ALDH1A2: variants seen among roughly 807,000 people sequenced by gnomAD.
ALDH1A2 encodes retinal dehydrogenase 2.
A neutral mutation model predicts 60.3 loss-of-function variants in ALDH1A2; 27 were observed. That is an observed-to-expected ratio of 0.45 (90% confidence interval 0.33 to 0.62). The LOEUF (loss-of-function observed/expected upper bound fraction) is 0.62, where lower values mean the gene tolerates loss of function less well. ALDH1A2 is among the 20% of genes least tolerant of loss of function. The probability of loss-of-function intolerance (pLI) is 0.02; values close to 1 mark genes in which losing one functional copy is unlikely to be tolerated. For synonymous variants in ALDH1A2, 289 were observed against 232.4 expected (o/e 1.24, Z -2.21); for missense variants, 581 against 643.8 (o/e 0.90, Z 1.06).
intron 8 of ALDH1A2, chr15:57,964,322 A>G (rs1893826640): frequency 2.0e-6 from 1 of 496,872 alleles, no homozygotes; most frequent in Admixed American, 3.3e-5. Context: ...GTATAACAGG[A>G]GTCTCAAACC....
At chr15:57,975,597 G>C (rs1392782253) in intron 7 of ALDH1A2, among the ~76,000 whole-genome samples, 2 of 152,150 alleles carry the variant, frequency 1.3e-5, no homozygotes, top group Non-Finnish European at 2.9e-5. Context: ...CCAGATTTCA[G>C]ATTTTTTGAA....
At chr15:57,995,279 A>C (rs1383510378) in intron 4 of ALDH1A2, 140 bp from the exon 5 acceptor site, 4 of 688,312 alleles carry the variant, frequency 5.8e-6, no homozygotes, top group Non-Finnish European at 1.0e-5. Flanking sequence ...TCAACCGTGC[A>C]TGAAAGCTGG....
chr15:57,961,640 G>GTCCC (rs1893723879), intron 10 of ALDH1A2, among the ~76,000 whole-genome samples: 1 of 152,100 alleles, frequency 6.6e-6, no homozygotes, highest in South Asian at 2.1e-4. Context: ...TTTGCTCCTT[G>GTCCC]TCCCTCTCTT....
chr15:58,009,752 G>C (rs1473439635), intron 4 of ALDH1A2, among the ~76,000 whole-genome samples: 5 of 151,798 alleles, frequency 3.3e-5, no homozygotes, highest in Admixed American at 2.6e-4. Context: ...CAAAGTTTTA[G>C]CTCTAAAACT....
intron 1 of ALDH1A2, among the ~76,000 whole-genome samples, chr15:58,028,172 T>G (rs573436398): frequency 1.1e-3 from 169 of 152,224 alleles, no homozygotes; most frequent in African/African-American, 3.7e-3. Flanking sequence ...TACCCACAAA[T>G]GGAAGCCCAT....
intron 1 of ALDH1A2, among the ~76,000 whole-genome samples, chr15:58,053,256 G>C (rs1413382356): frequency 6.6e-6 from 1 of 152,088 alleles, no homozygotes. Context: ...TTTGTGTTCT[G>C]AAGTCATGTG....
intron 1 of ALDH1A2, among the ~76,000 whole-genome samples, chr15:58,016,316 G>T (rs1034812744): frequency 5.9e-5 from 9 of 151,782 alleles, no homozygotes; most frequent in African/African-American, 2.2e-4. Context: ...GCTAATTTTT[G>T]TATTTTTAGT....
chr15:58,012,951 T>G (rs1184196443), intron 3 of ALDH1A2, among the ~76,000 whole-genome samples: 1 of 152,178 alleles, frequency 6.6e-6, no homozygotes, highest in Non-Finnish European at 1.5e-5. Context: ...GTATAGTGCA[T>G]ACATTCCTAA....
intron 1 of ALDH1A2, among the ~76,000 whole-genome samples, chr15:58,019,396 T>C (rs995441773): frequency 6.6e-6 from 1 of 152,172 alleles, no homozygotes; most frequent in African/African-American, 2.4e-5. Context: ...CCAGAATATT[T>C]TGCTTTGTAG....
intron 4 of ALDH1A2, among the ~76,000 whole-genome samples, chr15:58,000,124 T>C (rs1284882143): frequency 6.6e-6 from 1 of 151,892 alleles, no homozygotes. Context: ...ACCTAGGTGA[T>C]GGGTTGACAG....
rs1488164247 is a variant in ALDH1A2, at chr15:57,955,017, A to G, written c.*180T>C. 9.8e-6 allele frequency: 7 copies of G among 714,560 alleles called. No individual in the cohort carries two copies. Among genetic ancestry groups the G allele is most frequent in the Non-Finnish European group, 1.2e-5 (5 of 400,276 alleles). 44.3% of individuals were successfully genotyped at this position (714,560 alleles called of 1,614,324 possible). On this transcript the variant is annotated 3_prime_UTR_variant, in exon 13 of 13. Transcript: ENST00000249750. ...TAAGGTGGCCCCTTACAGAGTGCCA[A>G]GAAACTGTACCCAGCTGGTTTGCTT... is the stretch of plus-strand genomic sequence containing the variant.
At chr15:58,005,790 C>CT (rs1414671230) in intron 4 of ALDH1A2, among the ~76,000 whole-genome samples, 5 of 151,890 alleles carry the variant, frequency 3.3e-5, no homozygotes, top group Admixed American at 2.6e-4. Flanking sequence ...TGAAAGCCCC[C>CT]TTTACCCATA....
Position 58,065,681 on chromosome 15 carries a change from C to G in ALDH1A2, c.-31G>C, listed in dbSNP as rs1384509358. On this transcript the variant is annotated 5_prime_UTR_variant, in exon 1 of 13. Coordinates refer to ENST00000249750, the MANE Select transcript of ALDH1A2 (RefSeq NM_003888.4). ...CGGGCCGGGTGTCCCTAGCCCGCGG[C>G]GTGGGGCAGTGCGGGCTGTGCGCGC... is the stretch of plus-strand genomic sequence containing the variant. 6.7e-7 allele frequency: 1 copy of G among 1,492,854 alleles called. No homozygotes were observed. Among genetic ancestry groups the G allele is most frequent in the Non-Finnish European group, 9.1e-7 (1 of 1,103,238 alleles). The allele number at this position is 1,492,854 out of a possible 1,614,324, so 92.5% of individuals were successfully genotyped here.
chr15:58,003,706 T>C (rs1398207485), intron 4 of ALDH1A2, among the ~76,000 whole-genome samples: 2 of 151,880 alleles, frequency 1.3e-5, no homozygotes, highest in African/African-American at 2.4e-5. Flanking sequence ...AAAGAGGTTG[T>C]AGACGTGAGA....
chr15:58,029,559 G>C (rs1326029954), intron 1 of ALDH1A2, among the ~76,000 whole-genome samples: 4 of 144,834 alleles, frequency 2.8e-5, no homozygotes, highest in Non-Finnish European at 6.0e-5. Context: ...CAGAACTGAA[G>C]GAGATAGAGA....
chr15:58,063,047 A>G (rs1897083322), intron 1 of ALDH1A2, among the ~76,000 whole-genome samples: 1 of 152,172 alleles, frequency 6.6e-6, no homozygotes, highest in African/African-American at 2.4e-5. Flanking sequence ...AGGAGGAGGA[A>G]GTTGGAGCAA....
intron 1 of ALDH1A2, among the ~76,000 whole-genome samples, chr15:58,060,463 CTTTTTTTTT>C (rs35187901): frequency 1.1e-5 from 1 of 87,510 alleles, no homozygotes; most frequent in African/African-American, 4.3e-5. Flanking sequence ...CCACACATAT[CTTTTTTTTT>C]TTTTTTTTTT....
Position 57,963,889 on chromosome 15 carries a change from G to A in ALDH1A2, c.1082C>T (p.Pro361Leu). 1 of 1,614,118 alleles carries A rather than the reference G, an allele frequency of 6.2e-7. No homozygotes were observed. The highest frequency in any genetic ancestry group is 2.2e-5 in the East Asian group (1 of 44,868). The change falls in exon 9 of 13, where the codon CCC becomes CTC. Residue 361 changes from proline (P) to leucine (L), a missense_variant. By Grantham distance (98) the Pro-to-Leu change is moderately conservative (BLOSUM62 -3). This residue lies in a region of ALDH1A2 where 375 missense variants were observed against 469.7 expected (regional missense o/e 0.80). Transcript: ENST00000249750. ...SPFDPTTEQGPQIDKKQYNKI... is the reference protein window; with the variant it reads ...SPFDPTTEQGLQIDKKQYNKI... ...GAATGGTTATGATTTTTCTACCTGG[G>A]GACCCTGCTCAGTGGTGGGGTCAAA...
At chr15:58,050,544 T>C (rs1175410337) in intron 1 of ALDH1A2, among the ~76,000 whole-genome samples, 1 of 152,178 alleles carries the variant, frequency 6.6e-6, no homozygotes, top group Non-Finnish European at 1.5e-5. Flanking sequence ...CATGTTTTCA[T>C]GGATGTTGTA....
Sources: allele counts gnomAD v4.1 joint callset (sites outside exome capture counted in the v4.1 genomes callset), GRCh38; gene constraint gnomAD v4.1.1; regional missense constraint gnomAD v4.1.1; transcripts MANE v1.5; gene names NCBI Gene and HGNC (gene_info 2026-07-23, HGNC 2026-07-21).